Variants in ACYP2 observed in about 807,000 individuals in gnomAD.
ACYP2 encodes the protein acylphosphatase 2.
In ACYP2, 12 loss-of-function variants were observed where a neutral mutation model predicts 11.2. That is an observed-to-expected ratio of 1.08 (90% confidence interval 0.69 to 1.74). ACYP2 has a LOEUF of 1.74. ACYP2 is among the 40% of genes most tolerant of loss of function. The pLI is 0.00. For synonymous variants in ACYP2, 43 were observed against 32.2 expected, an observed-to-expected ratio of 1.33 and a Z score of -1.13; for missense variants, 134 against 101.9, an observed-to-expected ratio of 1.31 and a Z score of -1.35.
intron 2 of ACYP2, among the ~76,000 whole-genome samples, chr2:54,038,002 C>G (rs1399925387): frequency 6.6e-6 from 1 of 152,206 alleles, no homozygotes; most frequent in Non-Finnish European, 1.5e-5. Context: ...GAAGCTTTCT[C>G]TCCTACACAG....
intron 2 of ACYP2, among the ~76,000 whole-genome samples, chr2:54,027,632 A>C (rs945636686): frequency 5.3e-5 from 8 of 152,114 alleles, no homozygotes; most frequent in African/African-American, 1.9e-4. Context: ...CTCAGCCATA[A>C]ACCTTGCAAT....
chr2:53,996,382 C>G (rs2104523750), intron 2 of ACYP2, among the ~76,000 whole-genome samples: 1 of 152,178 alleles, frequency 6.6e-6, no homozygotes, highest in Non-Finnish European at 1.5e-5. Context: ...GTAAAGAAAG[C>G]CTTCAGATCT....
At chr2:54,045,291 A>G (rs1054706755) in intron 2 of ACYP2, among the ~76,000 whole-genome samples, 3 of 152,006 alleles carry the variant, frequency 2.0e-5, no homozygotes, top group Non-Finnish European at 4.4e-5. Flanking sequence ...TTCCTTGGGG[A>G]GATGGATTTG....
chr2:54,069,384 T>C (rs1572686510), intron 4 of ACYP2, among the ~76,000 whole-genome samples: 1 of 151,208 alleles, frequency 6.6e-6, no homozygotes, highest in East Asian at 2.0e-4. Flanking sequence ...AAATACAGGC[T>C]GGGCACGGTG....
rs971345617 is a variant in ACYP2, at chr2:54,194,646, C to T, written c.404+55898C>T. ...CATCAAAGACTATGTTATTTTTCAC[C>T]TTTAATTTTGTTCTTTTTTTCTCTT... On this transcript the variant is annotated intron_variant, in intron 6 of 6. Coordinates refer to ENST00000607452, the MANE Select transcript of ACYP2 (RefSeq NM_001320586.2). Among the ~76,000 whole-genome samples, 3 of 151,836 alleles carry T rather than the reference C, an allele frequency of 2.0e-5. No individual in the cohort carries two copies. In the East Asian group the frequency reaches 5.8e-4, roughly 29 times the overall value.
At chr2:53,977,781 G>A (rs895183869) in intron 2 of ACYP2, among the ~76,000 whole-genome samples, 4 of 150,942 alleles carry the variant, frequency 2.7e-5, no homozygotes, top group African/African-American at 9.7e-5. Flanking sequence ...TCTGGATCCA[G>A]TAACGCTGCC....
intron 6 of ACYP2, among the ~76,000 whole-genome samples, chr2:54,172,940 C>T (rs905018431): frequency 6.6e-6 from 1 of 152,218 alleles, no homozygotes; most frequent in East Asian, 1.9e-4. Flanking sequence ...TTAATCCACT[C>T]TATCATTGAT....
At chr2:54,252,916 A>T (rs911686891) in intron 6 of ACYP2, among the ~76,000 whole-genome samples, 6 of 152,086 alleles carry the variant, frequency 3.9e-5, no homozygotes, top group Non-Finnish European at 4.4e-5. Context: ...AAAAAAAAAA[A>T]ATATGCCAAT....
intron 6 of ACYP2, among the ~76,000 whole-genome samples, chr2:54,154,453 A>G (rs927867635): frequency 1.3e-5 from 2 of 152,174 alleles, no homozygotes; most frequent in Non-Finnish European, 2.9e-5. Flanking sequence ...ATGTTGATAT[A>G]CATTTCTTCT....
chr2:54,257,137 G>A (rs1272595723), intron 6 of ACYP2, among the ~76,000 whole-genome samples: 1 of 152,198 alleles, frequency 6.6e-6, no homozygotes, highest in Non-Finnish European at 1.5e-5. Flanking sequence ...ACTTTGAGAG[G>A]CGGAGACGGG....
At chr2:54,083,230 C>T (rs531485053) in intron 4 of ACYP2, among the ~76,000 whole-genome samples, 1 of 152,302 alleles carries the variant, frequency 6.6e-6, no homozygotes, top group South Asian at 2.1e-4. Flanking sequence ...AGTCTGCTGC[C>T]ACCCGCCAGG....
intron 4 of ACYP2, among the ~76,000 whole-genome samples, chr2:54,088,289 A>T (rs191060205): frequency 2.5e-3 from 377 of 152,330 alleles, no homozygotes; most frequent in Non-Finnish European, 4.7e-3. Flanking sequence ...GATCATGTTC[A>T]ACAGGACTAC....
Position 54,161,524 on chromosome 2 carries a change from A to C in ACYP2, c.404+22776A>C, listed in dbSNP as rs79156559. Among the ~76,000 whole-genome samples, 657 of 149,250 alleles carry C rather than the reference A, an allele frequency of 4.4e-3. 1 individual carries two copies. The highest frequency in any genetic ancestry group is 0.016 in the African/African-American group (631 of 38,750). ...GCTGTCATCTCCATGAATGCCTTAA[A>C]CACTATCCCAACTTTTTAATTTTTA... On this transcript the variant is annotated intron_variant, in intron 6 of 6. Transcript: ENST00000607452.
intron 6 of ACYP2, among the ~76,000 whole-genome samples, chr2:54,179,257 TGGGG>T (rs1050374960): frequency 1.1e-4 from 2 of 18,138 alleles, no homozygotes; most frequent in Non-Finnish European, 2.7e-4. Flanking sequence ...GGTGGGTGGG[TGGGG>T]GAGGAGCATC....
chr2:54,277,051 T>C (rs535227190), intron 6 of ACYP2, among the ~76,000 whole-genome samples: 2 of 152,356 alleles, frequency 1.3e-5, no homozygotes, highest in Admixed American at 1.3e-4. Flanking sequence ...TTTAAATTGC[T>C]TGAAACACTT....
At chr2:54,147,103 G>A (rs1383369304) in intron 6 of ACYP2, among the ~76,000 whole-genome samples, 1 of 151,896 alleles carries the variant, frequency 6.6e-6, no homozygotes, top group Non-Finnish European at 1.5e-5. Context: ...GCTGCTTTTT[G>A]CATTGTTTCT....
chr2:54,047,437 G>C (rs182861795), intron 2 of ACYP2, among the ~76,000 whole-genome samples: 8 of 152,320 alleles, frequency 5.3e-5, no homozygotes, highest in African/African-American at 1.9e-4. Flanking sequence ...GCGTGGCCCT[G>C]TCGAGTCATT....
intron 2 of ACYP2, among the ~76,000 whole-genome samples, chr2:54,004,335 C>T (rs1385346132): frequency 2.6e-5 from 4 of 151,190 alleles, no homozygotes; most frequent in Admixed American, 2.6e-4. Flanking sequence ...TTCTGTTCAG[C>T]ATCTTTTCAT....
intron 4 of ACYP2, among the ~76,000 whole-genome samples, chr2:54,061,563 T>C (rs761434600): frequency 2.6e-5 from 4 of 152,342 alleles, no homozygotes; most frequent in Non-Finnish European, 5.9e-5. Flanking sequence ...TTGGACATAC[T>C]AGAAACCAAC....
Sources: gnomAD v4.1 joint callset for allele counts (sites outside exome capture counted in the v4.1 genomes callset) on GRCh38, gnomAD v4.1.1 for gene constraint, MANE v1.5 for transcripts, NCBI Gene and HGNC (gene_info 2026-07-23, HGNC 2026-07-21) for gene names.